Variants in RTTN observed in about 807,000 individuals in gnomAD.
The protein encoded by RTTN is rotatin.
A neutral mutation model predicts 269.2 loss-of-function variants in RTTN; 182 were observed. The ratio of observed to expected loss-of-function variants is 0.68; its 90% CI spans 0.60 to 0.76. RTTN has a LOEUF of 0.76. Among genes scored for constraint, RTTN ranks in the 30% least tolerant of loss-of-function variants. The pLI, the probability that RTTN is intolerant of heterozygous loss-of-function variation, is 0.00. For missense variants in RTTN, 2,545 were observed against 2,608.6 expected, an observed-to-expected ratio of 0.98 and a Z score of 0.53; for synonymous variants, 1,006 against 963.5, an observed-to-expected ratio of 1.04 and a Z score of -0.82.
At chr18:70,124,482 T>TGGAGCTCAA (rs2059814350) in intron 25 of RTTN, among the ~76,000 whole-genome samples, 2 of 152,022 alleles carry the variant, frequency 1.3e-5, no homozygotes, top group African/African-American at 4.8e-5. Flanking sequence ...AAGAAGACCC[T>TGGAGCTCAA]GGAGCTCAAG....
chr18:70,006,312 TAA>T, intron 47 of RTTN, 67 bp downstream of exon 47: 1 of 1,069,938 alleles, frequency 9.3e-7, no homozygotes, highest in Non-Finnish European at 1.4e-6. Flanking sequence ...GGATGTATCC[TAA>T]GAGTTTATAC....
chr18:70,067,246 G>A lies in RTTN; in HGVS notation c.4654-1324C>T, dbSNP rs60855853. ...ACGATCTCGGCTCACTGCAAGCTCCGCCTCCCGGGTTCACGCCATTCTCCT... is the reference window on the plus strand; with the variant it reads ...ACGATCTCGGCTCACTGCAAGCTCCACCTCCCGGGTTCACGCCATTCTCCT... On this transcript the variant is annotated intron_variant, in intron 34 of 48. Transcript: ENST00000640769. Among the ~76,000 whole-genome samples the A allele has an allele frequency of 2.2e-3, 332 of 149,998 alleles. 2 individuals are homozygous for A. The highest frequency in any genetic ancestry group is 7.8e-3 in the African/African-American group (321 of 40,922).
intron 10 of RTTN, among the ~76,000 whole-genome samples, chr18:70,179,186 C>T (rs1047035325): frequency 6.6e-6 from 1 of 152,048 alleles, no homozygotes; most frequent in Non-Finnish European, 1.5e-5. Flanking sequence ...AAAAGTAAAA[C>T]GCCCTCATAC....
At chr18:70,040,555 C>T (rs928304617) in intron 40 of RTTN, among the ~76,000 whole-genome samples, 4 of 152,186 alleles carry the variant, frequency 2.6e-5, no homozygotes, top group African/African-American at 9.7e-5. Flanking sequence ...CAGCATTGAA[C>T]AGACAGATCT....
intron 34 of RTTN, among the ~76,000 whole-genome samples, chr18:70,070,929 G>T (rs1366014269): frequency 3.9e-5 from 6 of 152,168 alleles, no homozygotes; most frequent in Non-Finnish European, 7.3e-5. Context: ...ATATAAAAGA[G>T]AAGGGGATAA....
chr18:70,019,951 T>C (rs2056653685), intron 45 of RTTN: 2 of 152,186 alleles, frequency 1.3e-5, no homozygotes, highest in Non-Finnish European at 2.9e-5. Context: ...AACACTCAAA[T>C]TACAATACTA....
intron 41 of RTTN, 44 bp from the exon 42 acceptor site, chr18:70,030,153 C>G: frequency 7.4e-7 from 1 of 1,344,898 alleles, no homozygotes; most frequent in South Asian, 1.2e-5. Context: ...ATTCTATTTC[C>G]AAGTAAGTTA....
chr18:70,200,178 G>A (rs1004356438), intron 4 of RTTN, among the ~76,000 whole-genome samples: 1 of 152,194 alleles, frequency 6.6e-6, no homozygotes, highest in African/African-American at 2.4e-5. Context: ...GCTTTGAAAA[G>A]AGCATGGAAT....
At chr18:70,194,453 T>C (rs2061753399) in intron 7 of RTTN, 1 of 152,256 alleles carries the variant, frequency 6.6e-6, no homozygotes, top group Non-Finnish European at 1.5e-5. Flanking sequence ...TATTATTCAC[T>C]GGGTATTACC....
intron 23 of RTTN, among the ~76,000 whole-genome samples, chr18:70,133,616 A>AT (rs1367901869): frequency 5.4e-5 from 2 of 36,764 alleles, no homozygotes; most frequent in Non-Finnish European, 3.7e-4. Context: ...TTGAGCAAAA[A>AT]GCAATATAAT....
In RTTN at chr18:70,177,339, A is replaced by C. The variant is rs1370349125; in HGVS notation, c.1306-494T>G. On this transcript the variant is annotated intron_variant, in intron 10 of 48. Coordinates refer to ENST00000640769, the MANE Select transcript of RTTN (RefSeq NM_173630.4). ...ATTTCTAAAGAAATGCATCAAGGAA[A>C]GTCAAATAATTAAAAAACAATTAAA... Among the ~76,000 whole-genome samples the C allele has an allele frequency of 2.0e-5, 3 of 152,364 alleles. No homozygotes were observed. The South Asian group carries it at 6.2e-4, about 32-fold the overall frequency.
chr18:70,035,174 G>A (rs189014378), intron 40 of RTTN, among the ~76,000 whole-genome samples: 3 of 152,056 alleles, frequency 2.0e-5, no homozygotes, highest in East Asian at 1.9e-4. Flanking sequence ...TATCCCTATC[G>A]AACCACCAAT....
At chr18:70,166,700 TGTAGGC>T in intron 13 of RTTN, 1 of 401,236 alleles carries the variant, frequency 2.5e-6, no homozygotes, top group East Asian at 4.4e-5. Context: ...TCATTTTGAT[TGTAGGC>T]ATGACATTTT....
chr18:70,196,146 T>C (rs1291852186), intron 7 of RTTN, among the ~76,000 whole-genome samples: 1 of 152,226 alleles, frequency 6.6e-6, no homozygotes, highest in African/African-American at 2.4e-5. Context: ...AAACAATGTA[T>C]TAACACTATA....
chr18:70,015,052 G>T (rs1354353472), intron 46 of RTTN, among the ~76,000 whole-genome samples: 1 of 151,832 alleles, frequency 6.6e-6, no homozygotes, highest in Non-Finnish European at 1.5e-5. Context: ...ACTTAGTCTG[G>T]CATTGCCAGA....
At chr18:70,006,544 C>T (rs962838933) in intron 46 of RTTN, 60 bp from the exon 47 acceptor site, 5 of 1,276,198 alleles carry the variant, frequency 3.9e-6, no homozygotes, top group Non-Finnish European at 5.7e-6. Context: ...GTATTCTTAT[C>T]TTGGACTAGT....
intron 44 of RTTN, among the ~76,000 whole-genome samples, chr18:70,022,655 T>A (rs1048640679): frequency 6.6e-6 from 1 of 152,100 alleles, no homozygotes; most frequent in African/African-American, 2.4e-5. Flanking sequence ...TGCACTAAAA[T>A]TACCCTCAAG....
chr18:70,166,963 C>A lies in RTTN; in HGVS notation c.1758G>T (p.Gln586His). The change falls in exon 13 of 49, where the codon CAG (glutamine) becomes CAT (histidine). Residue 586 changes from glutamine (Q) to histidine (H), a missense_variant. Transcript: ENST00000640769. ...TGATTTCCTTTATTAGCGGGAAATG[C>A]TGATGATAGGAAAAGCTACGCAAGG... ...DQALRSFSYH[Q>H]HFPLIKEIIS... is the part of the protein sequence containing the mutation. 6 of 1,613,480 alleles carry A rather than the reference C, an allele frequency of 3.7e-6. No homozygotes were observed. The highest frequency in any genetic ancestry group is 5.1e-6 in the Non-Finnish European group (6 of 1,179,656).
chr18:70,010,656 C>T (rs746230511), intron 46 of RTTN, among the ~76,000 whole-genome samples: 3 of 151,922 alleles, frequency 2.0e-5, no homozygotes, highest in African/African-American at 4.8e-5. Flanking sequence ...AAATCAACAC[C>T]CTAACATCAC....
Sources: allele counts gnomAD v4.1 joint callset (sites outside exome capture counted in the v4.1 genomes callset), GRCh38; gene constraint gnomAD v4.1.1; transcripts MANE v1.5; gene names NCBI Gene and HGNC (gene_info 2026-07-23, HGNC 2026-07-21).